Variants in EIF3L observed in about 807,000 individuals in gnomAD.
EIF3L encodes the protein eIEF associated protein HSPC021.
A neutral mutation model predicts 74.6 loss-of-function variants in EIF3L; 32 were observed. The ratio of observed to expected loss-of-function variants is 0.43; its 90% CI spans 0.32 to 0.58. EIF3L has a LOEUF of 0.58. Among genes scored for constraint, EIF3L ranks in the 20% least tolerant of loss-of-function variants. The probability of loss-of-function intolerance (pLI) is 0.06; values close to 1 mark genes in which losing one functional copy is unlikely to be tolerated. For synonymous variants in EIF3L, 256 were observed against 254.4 expected (o/e 1.01, Z -0.06); for missense variants, 474 against 707.8 (o/e 0.67, Z 3.75).
intron 7 of EIF3L, among the ~76,000 whole-genome samples, chr22:37,869,557 C>T (rs1010384961): frequency 6.6e-6 from 1 of 152,142 alleles, no homozygotes; most frequent in Admixed American, 6.6e-5. Context: ...CTGTTGTGTT[C>T]CATCTGTGTG....
At chr22:37,884,632 T>C (rs528017647) in intron 11 of EIF3L, 6 of 152,306 alleles carry the variant, frequency 3.9e-5, no homozygotes, top group Non-Finnish European at 4.4e-5. Context: ...TTTTAAATCA[T>C]GCTTTTATAA....
At chr22:37,861,424 G>A (rs1162577067) in intron 5 of EIF3L, among the ~76,000 whole-genome samples, 2 of 152,150 alleles carry the variant, frequency 1.3e-5, no homozygotes, top group Non-Finnish European at 2.9e-5. Context: ...TGTGGCTTAC[G>A]CCTGTAATCC....
intron 11 of EIF3L, chr22:37,885,354 C>A (rs1927264805): frequency 6.6e-6 from 1 of 152,054 alleles, no homozygotes; most frequent in Admixed American, 6.6e-5. Flanking sequence ...CAAAACATTT[C>A]TCCTAAGAAT....
At position 37,849,423 on chromosome 22, in the gene EIF3L, C is replaced by T. The variant is rs1925028087; in HGVS notation, c.-27C>T. 3 of 1,614,022 alleles carry T rather than the reference C, an allele frequency of 1.9e-6. No individual in the cohort carries two copies. Among genetic ancestry groups the T allele is most frequent in the Middle Eastern group, 1.7e-4 (1 of 6,060 alleles). On this transcript the variant is annotated 5_prime_UTR_variant, in exon 1 of 13. Coordinates refer to ENST00000652021, the MANE Select transcript of EIF3L (RefSeq NM_016091.4). Reference sequence around the variant, plus strand: ...GCGCGGGCCGCTCATTTCGCTCTTTCCGGCGGTGCTCGCAAGCGAGGCAGC... The same window carrying T: ...GCGCGGGCCGCTCATTTCGCTCTTTTCGGCGGTGCTCGCAAGCGAGGCAGC...
At chr22:37,851,558 T>A in intron 3 of EIF3L, 68 bp downstream of exon 3, 2 of 938,276 alleles carry the variant, frequency 2.1e-6, no homozygotes, top group South Asian at 1.4e-5. Context: ...TTCCTACAAA[T>A]GAGGTGAGCA....
At chr22:37,860,609 G>C (rs1925805652) in intron 5 of EIF3L, among the ~76,000 whole-genome samples, 1 of 152,186 alleles carries the variant, frequency 6.6e-6, no homozygotes, top group South Asian at 2.1e-4. Context: ...CTGACCTCAG[G>C]TAATCCGCCC....
intron 3 of EIF3L, among the ~76,000 whole-genome samples, chr22:37,852,406 C>G (rs1925275990): frequency 6.6e-6 from 1 of 152,114 alleles, no homozygotes; most frequent in South Asian, 2.1e-4. Flanking sequence ...GCTATGCAGC[C>G]CTTCAGTACA....
At chr22:37,850,128 C>G (rs1292154156) in intron 2 of EIF3L, 65 bp downstream of exon 2, 4 of 1,581,114 alleles carry the variant, frequency 2.5e-6, no homozygotes, top group African/African-American at 1.3e-5. Flanking sequence ...TGTCTTAGAA[C>G]CAGCTCTGAC....
chr22:37,855,320 G>A (rs967850852), intron 3 of EIF3L, among the ~76,000 whole-genome samples: 14 of 152,140 alleles, frequency 9.2e-5, no homozygotes, highest in Non-Finnish European at 1.5e-4. Context: ...ATGATACAGA[G>A]GCAGGAGATT....
chr22:37,867,382 G>A (rs1378273044), intron 7 of EIF3L, among the ~76,000 whole-genome samples: 3 of 152,056 alleles, frequency 2.0e-5, no homozygotes, highest in Admixed American at 2.0e-4. Context: ...ATTCTGGCCG[G>A]GCGCAGTGGC....
At chr22:37,861,161 A>G (rs771474651) in intron 5 of EIF3L, among the ~76,000 whole-genome samples, 2 of 151,896 alleles carry the variant, frequency 1.3e-5, no homozygotes, top group Admixed American at 6.6e-5. Flanking sequence ...GCTTGCATGC[A>G]TGTGTAAGTG....
intron 11 of EIF3L, 105 bp downstream of exon 11, chr22:37,878,276 C>T: frequency 1.1e-5 from 16 of 1,416,166 alleles, no homozygotes; most frequent in Non-Finnish European, 1.5e-5. Context: ...GATTCCTGGC[C>T]TTGTGGTGCT....
intron 7 of EIF3L, among the ~76,000 whole-genome samples, chr22:37,866,869 A>T (rs1926179499): frequency 6.6e-6 from 1 of 152,122 alleles, no homozygotes; most frequent in Non-Finnish European, 1.5e-5. Context: ...AATGTACCAG[A>T]ATCAGTGTAC....
At position 37,851,308 on chromosome 22, in the gene EIF3L, A is replaced by G; in HGVS notation, c.111A>G (p.Glu37=). 1 of 1,614,144 alleles carries G rather than the reference A, an allele frequency of 6.2e-7. No individual in the cohort carries two copies. Among genetic ancestry groups the G allele is most frequent in the Non-Finnish European group, 8.5e-7 (1 of 1,179,998 alleles). ...TGDPKQDLAY[E]RQYEQQTYQV... ...ATCCAAAGCAGGACCTTGCTTATGA[A>G]CGTCAGTATGAACAGCAAACCTATC... Residue 37 remains glutamate (E), a synonymous_variant, in exon 3 of 13, where the codon GAA becomes GAG. Transcript: ENST00000652021.
chr22:37,860,082 A>G (rs1925775877), intron 5 of EIF3L, among the ~76,000 whole-genome samples: 1 of 152,194 alleles, frequency 6.6e-6, no homozygotes, highest in African/African-American at 2.4e-5. Flanking sequence ...CTTTAGCCTC[A>G]GTTGCCCCAC....
chr22:37,865,142 A>G (rs1926080571), intron 7 of EIF3L, among the ~76,000 whole-genome samples: 1 of 152,140 alleles, frequency 6.6e-6, no homozygotes, highest in Non-Finnish European at 1.5e-5. Flanking sequence ...GGATCGCTTC[A>G]GTCCAGGAGT....
rs1233200053 is a variant in EIF3L, at chr22:37,858,723, A to G, written c.418A>G (p.Ile140Val). ...ATACAAAGAATTATACTACAGGCAC[A>G]TATATGCCAAAGTCAGTGTAAGTAT... is the stretch of plus-strand genomic sequence containing the variant. ...ILYKELYYRHIYAKVSGGPSL... is the reference protein window; with the variant it reads ...ILYKELYYRHVYAKVSGGPSL... The change falls in exon 5 of 13, where the codon ATA becomes GTA. Residue 140 changes from isoleucine (I) to valine (V), a missense_variant. Physicochemically the swap from Ile to Val is conservative, Grantham distance 29. Transcript: ENST00000652021. The G allele has an allele frequency of 1.2e-6, 2 of 1,606,292 alleles. No homozygotes were observed. Among genetic ancestry groups the G allele is most frequent in the Non-Finnish European group, 1.7e-6 (2 of 1,177,934 alleles).
intron 7 of EIF3L, among the ~76,000 whole-genome samples, chr22:37,869,676 G>C (rs1168883816): frequency 6.6e-6 from 1 of 152,146 alleles, no homozygotes; most frequent in Non-Finnish European, 1.5e-5. Flanking sequence ...GACTCTGGTT[G>C]AGAGTGGTAG....
intron 4 of EIF3L, 142 bp from the exon 5 acceptor site, chr22:37,858,537 T>G: frequency 1.4e-6 from 1 of 724,696 alleles, no homozygotes; most frequent in Non-Finnish European, 2.4e-6. Context: ...TCTCATTGCA[T>G]GTATTCTTGG....
Sources: gnomAD v4.1 joint callset for allele counts (sites outside exome capture counted in the v4.1 genomes callset) on GRCh38, gnomAD v4.1.1 for gene constraint, MANE v1.5 for transcripts, NCBI Gene and HGNC (gene_info 2026-07-23, HGNC 2026-07-21) for gene names.